The following AGAP1 variants were observed in gnomAD, a reference collection of about 807,000 sequenced individuals.
The protein encoded by AGAP1 is arf-GAP with GTPase, ANK repeat and PH domain-containing protein 1.
In AGAP1, 29 loss-of-function variants were observed where a neutral mutation model predicts 105.3. The ratio of observed to expected loss-of-function variants is 0.28; its 90% confidence interval spans 0.21 to 0.38. The LOEUF is 0.38. AGAP1 is among the 10% of genes least tolerant of loss of function. The pLI is 1.00. For missense variants in AGAP1, 998 were observed against 1,165.1 expected (o/e 0.86, Z 2.09); for synonymous variants, 509 against 485.9 (o/e 1.05, Z -0.63).
At chr2:235,916,157 G>A (rs1324487479) in intron 11 of AGAP1, among the ~76,000 whole-genome samples, 1 of 101,038 alleles carries the variant, frequency 9.9e-6, no homozygotes, top group African/African-American at 3.7e-5. Context: ...ATTACTGAAG[G>A]GTCTACTCCA....
intron 9 of AGAP1, among the ~76,000 whole-genome samples, chr2:235,844,728 C>T (rs1175773784): frequency 6.6e-6 from 1 of 152,184 alleles, no homozygotes; most frequent in African/African-American, 2.4e-5. Flanking sequence ...CGAACCTGGG[C>T]ACACAGTGTT....
Position 235,983,442 on chromosome 2 carries a change from C to G in AGAP1, c.1645+14819C>G, listed in dbSNP as rs1484958128. ...ATTCTCCTTTTTCCTGTAAGACTGT[C>G]CTTGCTTCTCTTGTTTAATTTCTTT... On this transcript the variant is annotated intron_variant, in intron 13 of 17. Coordinates refer to ENST00000304032, the MANE Select transcript of AGAP1 (RefSeq NM_001037131.3). This position sits in a 1 kb window ranked among gnomAD's most constrained non-coding sequence, Gnocchi z 4.5. 1.3e-5 allele frequency among the ~76,000 whole-genome samples: 2 copies of G among 152,176 alleles called. No individual in the cohort carries two copies. Among genetic ancestry groups the G allele is most frequent in the Admixed American group, 6.5e-5 (1 of 15,272 alleles).
chr2:235,498,659 G>C (rs1252961036), intron 1 of AGAP1, among the ~76,000 whole-genome samples: 2 of 152,194 alleles, frequency 1.3e-5, no homozygotes, highest in East Asian at 3.9e-4. Flanking sequence ...TCGTAATTCA[G>C]CTTGCCAGCA....
rs1165410242 is a variant in AGAP1 at position 235,741,543 on chromosome 2, C to T, written c.396+495C>T. 2.6e-5 allele frequency among the ~76,000 whole-genome samples: 4 copies of T among 152,114 alleles called. No homozygotes were observed. Among genetic ancestry groups the T allele is most frequent in the Non-Finnish European group, 4.4e-5 (3 of 68,028 alleles). On this transcript the variant is annotated intron_variant, in intron 4 of 17. Transcript: ENST00000304032. The surrounding 1 kb of genome is among the most constrained non-coding windows in gnomAD (Gnocchi z 4.9). Reference sequence around the variant, plus strand: ...AAGCAAGGCAGTCTCCACCGAAAGCCGGTATGAAGCATATTATGATTTCTT... The same window carrying T: ...AAGCAAGGCAGTCTCCACCGAAAGCTGGTATGAAGCATATTATGATTTCTT...
chr2:235,815,291 C>T (rs1255257041), intron 9 of AGAP1, among the ~76,000 whole-genome samples: 1 of 152,204 alleles, frequency 6.6e-6, no homozygotes. Context: ...CCAGCAGAGC[C>T]TGTTTCTGGA....
In AGAP1 at chr2:235,793,271, G is replaced by T. The variant is rs1309698290; in HGVS notation, c.674-4488G>T. Among the ~76,000 whole-genome samples, 1 of 152,172 alleles carries T rather than the reference G, an allele frequency of 6.6e-6. No homozygotes were observed. Among genetic ancestry groups the T allele is most frequent in the Middle Eastern group, 3.2e-3 (1 of 316 alleles). Reference sequence around the variant, plus strand: ...GAAGGCCTGGCTGGGAATGGGGCGTGGCACACGGTGTAATCCGGGCAGCCT... The same window carrying T: ...GAAGGCCTGGCTGGGAATGGGGCGTTGCACACGGTGTAATCCGGGCAGCCT... On this transcript the variant is annotated intron_variant, in intron 6 of 17. Coordinates refer to ENST00000304032, the MANE Select transcript of AGAP1 (RefSeq NM_001037131.3). This position sits in a 1 kb window ranked among gnomAD's most constrained non-coding sequence, Gnocchi z 5.3.
intron 1 of AGAP1, among the ~76,000 whole-genome samples, chr2:235,588,248 C>T (rs887147660): frequency 2.0e-5 from 3 of 149,312 alleles, no homozygotes; most frequent in African/African-American, 4.9e-5. Flanking sequence ...AAAAAATGCA[C>T]ATTTGCATCA....
At chr2:236,103,117 GCCT>G (rs1474420797) in intron 16 of AGAP1, among the ~76,000 whole-genome samples, 26 of 151,306 alleles carry the variant, frequency 1.7e-4, no homozygotes, top group African/African-American at 6.3e-4. Context: ...CCTGCACAGC[GCCT>G]CCTCCCTGCT....
chr2:235,859,648 C>T (rs1002066047), intron 9 of AGAP1, among the ~76,000 whole-genome samples: 3 of 151,114 alleles, frequency 2.0e-5, no homozygotes, highest in African/African-American at 7.3e-5. Context: ...TCGCATTTGT[C>T]CGGAAGGCCT....
intron 1 of AGAP1, among the ~76,000 whole-genome samples, chr2:235,626,470 G>A (rs1946640543): frequency 6.6e-6 from 1 of 152,218 alleles, no homozygotes; most frequent in African/African-American, 2.4e-5. Flanking sequence ...TGGGAAGTGT[G>A]TGTGACAGTT....
chr2:235,572,583 C>A (rs1232192641), intron 1 of AGAP1, among the ~76,000 whole-genome samples: 1 of 152,190 alleles, frequency 6.6e-6, no homozygotes. Context: ...TGAAGTCCCT[C>A]CTATAGGGGC....
intron 3 of AGAP1, among the ~76,000 whole-genome samples, chr2:235,727,757 G>A (rs1220273662): frequency 2.0e-5 from 3 of 152,136 alleles, no homozygotes; most frequent in African/African-American, 7.2e-5. Flanking sequence ...CTCTCAGGAG[G>A]TACCCATATT....
chr2:235,941,435 C>G (rs1162537650), intron 12 of AGAP1, among the ~76,000 whole-genome samples: 5 of 152,162 alleles, frequency 3.3e-5, no homozygotes, highest in African/African-American at 1.2e-4. Context: ...AACGGAGTTC[C>G]CAGGTCTCTC....
intron 1 of AGAP1, among the ~76,000 whole-genome samples, chr2:235,603,626 T>C (rs1945814507): frequency 6.6e-6 from 1 of 152,248 alleles, no homozygotes; most frequent in African/African-American, 2.4e-5. Context: ...ATTCTTTAGT[T>C]AGATACCTTC....
At chr2:235,850,168 A>G (rs1245131397) in intron 9 of AGAP1, among the ~76,000 whole-genome samples, 1 of 152,212 alleles carries the variant, frequency 6.6e-6, no homozygotes, top group Admixed American at 6.5e-5. Context: ...TAACCGGACG[A>G]CGTTAGCAAA....
At chr2:235,539,274 A>G (rs904042216) in intron 1 of AGAP1, among the ~76,000 whole-genome samples, 3 of 152,204 alleles carry the variant, frequency 2.0e-5, no homozygotes, top group Admixed American at 2.0e-4. Context: ...CTGGATTATC[A>G]TGGCCTTAGA....
At chr2:235,859,901 G>A (rs899021344) in intron 9 of AGAP1, among the ~76,000 whole-genome samples, 11 of 152,170 alleles carry the variant, frequency 7.2e-5, no homozygotes, top group East Asian at 1.9e-4. Flanking sequence ...TTGGCTGTGC[G>A]CAGCGCCTTC....
intron 16 of AGAP1, among the ~76,000 whole-genome samples, chr2:236,100,832 GAAAAA>G (rs72435294): frequency 3.7e-5 from 4 of 108,820 alleles, no homozygotes; most frequent in Admixed American, 9.7e-5. Flanking sequence ...TCCCTCTCAA[GAAAAA>G]AAAAAAAAAA....
chr2:235,891,821 A>G lies in AGAP1; in HGVS notation c.1155+8372A>G, dbSNP rs551429877. On this transcript the variant is annotated intron_variant, in intron 10 of 17. Transcript: ENST00000304032. The surrounding 1 kb of genome is among the most constrained non-coding windows in gnomAD (Gnocchi z 4.2). ...CTGTGAAACTCCTCCCCTCCGGGCC[A>G]TACCTGGCAGACGTGCATGAACTGG... Among the ~76,000 whole-genome samples, 4 of 152,254 alleles carry G rather than the reference A, an allele frequency of 2.6e-5. 1 individual carries two copies. Among genetic ancestry groups the G allele is most frequent in the South Asian group, 4.1e-4 (2 of 4,824 alleles).
Sources: gnomAD v4.1 joint callset for allele counts (sites outside exome capture counted in the v4.1 genomes callset) on GRCh38, gnomAD v4.1.1 for gene constraint, Gnocchi (gnomAD v3.1) non-coding constraint, MANE v1.5 for transcripts, NCBI Gene and HGNC (gene_info 2026-07-23, HGNC 2026-07-21) for gene names.